The following RORA variants were observed in gnomAD, a reference collection of about 807,000 sequenced individuals.
The protein encoded by RORA is RAR related orphan receptor A, also known as nuclear receptor ROR-alpha.
A neutral mutation model predicts 69.5 loss-of-function variants in RORA; 7 were observed. The observed-to-expected ratio is 0.10, with a 90% CI of 0.06 to 0.19. The LOEUF is 0.19. Ranked by LOEUF, RORA falls within the 10% of genes least tolerant of loss-of-function variation. The probability of loss-of-function intolerance (pLI) is 1.00; values close to 1 mark genes in which losing one functional copy is unlikely to be tolerated. For missense variants in RORA, 457 were observed against 663.0 expected (o/e 0.69, Z 3.41); for synonymous variants, 261 against 240.8 (o/e 1.08, Z -0.78).
chr15:60,629,208 A>C (rs1423105928), intron 2 of RORA, among the ~76,000 whole-genome samples: 1 of 34,506 alleles, frequency 2.9e-5, no homozygotes, highest in African/African-American at 2.4e-4. Context: ...TTTTTTTTGA[A>C]ACAGAGTCTT....
At chr15:60,502,894 T>A in intron 7 of RORA, 27 bp from the exon 8 acceptor site, 1 of 1,428,502 alleles carries the variant, frequency 7.0e-7, no homozygotes, top group Non-Finnish European at 9.9e-7. Flanking sequence ...ATGGTTTGGG[T>A]CATTTGGGTC....
intron 1 of RORA, among the ~76,000 whole-genome samples, chr15:60,757,675 G>A (rs2071822584): frequency 6.6e-6 from 1 of 152,070 alleles, no homozygotes; most frequent in Admixed American, 6.5e-5. Context: ...GTGACTCCAG[G>A]GTGTAAAATA....
At position 60,511,518 on chromosome 15, in the gene RORA, A is replaced by G. The variant is rs1031359244; in HGVS notation, c.528T>C (p.Pro176=). 6.2e-7 allele frequency: 1 copy of G among 1,614,126 alleles called. No homozygotes were observed. Among genetic ancestry groups the G allele is most frequent in the South Asian group, 1.1e-5 (1 of 91,088 alleles). ...TGGGCGTCAGCGGCTCAGCCTCTCC[A>G]GGCTGCTGCTGGTGGTCGCGCTGCT... ...QQQQRDHQQQ[P]GEAEPLTPTY... Residue 176 remains proline, a synonymous_variant, in exon 5 of 11, where the codon CCT becomes CCC. Coordinates refer to ENST00000335670, the MANE Select transcript of RORA (RefSeq NM_134261.3). The surrounding 1 kb of genome is among the most constrained non-coding windows in gnomAD (Gnocchi z 6.4).
chr15:60,779,962 T>C (rs572486643), intron 1 of RORA, among the ~76,000 whole-genome samples: 1 of 152,284 alleles, frequency 6.6e-6, no homozygotes, highest in East Asian at 1.9e-4. Context: ...GGATATGTGT[T>C]TTCCAAAGCA....
In RORA at chr15:60,558,298, A is replaced by G. The variant is rs200399670; in HGVS notation, c.197-26447T>C. 2 of 1,611,972 alleles carry G rather than the reference A, an allele frequency of 1.2e-6. No individual in the cohort carries two copies. The highest frequency in any genetic ancestry group is 2.2e-5 in the South Asian group (2 of 90,828). On this transcript the variant is annotated intron_variant, in intron 2 of 10. Coordinates refer to ENST00000335670, the MANE Select transcript of RORA (RefSeq NM_134261.3). ...ATGGAGTATTTGGAGAATCCCAAAA[A>G]GTTCATCCCTGGAACGAAAATGATA... is the stretch of plus-strand genomic sequence containing the variant.
chr15:61,187,803 G>A (rs2079759029), intron 1 of RORA, among the ~76,000 whole-genome samples: 1 of 152,158 alleles, frequency 6.6e-6, no homozygotes, highest in South Asian at 2.1e-4. Flanking sequence ...TTCCCCAGAA[G>A]CACCCTGGGG....
At chr15:61,167,482 ATTTTTTTTTTTTTTTTTTTTTTT>A (rs199752865) in intron 1 of RORA, among the ~76,000 whole-genome samples, 37 of 133,690 alleles carry the variant, frequency 2.8e-4, no homozygotes, top group African/African-American at 9.7e-4. Flanking sequence ...TTTGACCAGG[ATTTTTTTTTTTTTTTTTTTTTTT>A]TTTTTTTTTT....
At chr15:61,212,161 C>G (rs75569931) in intron 1 of RORA, among the ~76,000 whole-genome samples, 8 of 152,226 alleles carry the variant, frequency 5.3e-5, no homozygotes, top group Non-Finnish European at 1.0e-4. Context: ...TCCATTTCTC[C>G]CACCCTTAAG....
At position 60,721,308 on chromosome 15, in the gene RORA, T is replaced by C. The variant is rs189649430; in HGVS notation, c.167-42622A>G. Among the ~76,000 whole-genome samples the C allele has an allele frequency of 1.6e-3, 240 of 152,314 alleles. 4 individuals carry two copies. The highest frequency in any genetic ancestry group is 5.5e-3 in the African/African-American group (229 of 41,572). The stretch of plus-strand genomic sequence containing the variant: ...GAGTGATCAGAAAACAGTTTTGTTA[T>C]TTTACACATGGTCTCAAGAGCTAGA... On this transcript the variant is annotated intron_variant, in intron 1 of 10. Coordinates refer to ENST00000335670, the MANE Select transcript of RORA (RefSeq NM_134261.3).
intron 1 of RORA, among the ~76,000 whole-genome samples, chr15:60,856,279 T>A (rs1673317): frequency 0.87 from 132,975 of 152,250 alleles, 58,766 homozygotes; most frequent in East Asian, 0.99. Flanking sequence ...CTTCTGAAGG[T>A]GGAAACCATT....
chr15:60,689,930 C>A (rs1486205116), intron 1 of RORA, among the ~76,000 whole-genome samples: 1 of 152,186 alleles, frequency 6.6e-6, no homozygotes, highest in African/African-American at 2.4e-5. Flanking sequence ...CTTCTAGCAT[C>A]CAGAACTGTG....
intron 1 of RORA, among the ~76,000 whole-genome samples, chr15:61,202,641 C>T (rs1361459410): frequency 2.6e-5 from 4 of 152,090 alleles, no homozygotes; most frequent in Non-Finnish European, 5.9e-5. Context: ...AGCTAGAATT[C>T]AGATGCCTAT....
intron 1 of RORA, among the ~76,000 whole-genome samples, chr15:60,977,347 T>A (rs770980660): frequency 6.6e-6 from 1 of 152,020 alleles, no homozygotes; most frequent in African/African-American, 2.4e-5. Flanking sequence ...TAACAAAGGA[T>A]CCTCTGTTTA....
intron 1 of RORA, among the ~76,000 whole-genome samples, chr15:60,826,903 G>A (rs2140385894): frequency 6.6e-6 from 1 of 152,106 alleles, no homozygotes; most frequent in African/African-American, 2.4e-5. Context: ...GAAAGGGAAA[G>A]GTATATAATT....
intron 1 of RORA, among the ~76,000 whole-genome samples, chr15:60,944,108 T>C (rs1364645742): frequency 6.6e-6 from 1 of 152,086 alleles, no homozygotes; most frequent in African/African-American, 2.4e-5. Context: ...GTTGTCCATC[T>C]GTCAAAGAAT....
chr15:60,543,019 C>T (rs1164278782), intron 2 of RORA, among the ~76,000 whole-genome samples: 3 of 151,700 alleles, frequency 2.0e-5, no homozygotes, highest in African/African-American at 4.9e-5. Flanking sequence ...GGCCTACACA[C>T]GAGTCCATCC....
intron 1 of RORA, among the ~76,000 whole-genome samples, chr15:61,123,746 C>T (rs912991172): frequency 1.3e-5 from 2 of 151,924 alleles, no homozygotes; most frequent in African/African-American, 4.8e-5. Flanking sequence ...AGAAGCACAG[C>T]TCCAGCAGAG....
At chr15:61,158,030 G>A (rs1371270940) in intron 1 of RORA, among the ~76,000 whole-genome samples, 6 of 152,150 alleles carry the variant, frequency 3.9e-5, no homozygotes, top group Non-Finnish European at 8.8e-5. Context: ...ACGTGCCAAA[G>A]CCCAACCCCA....
intron 1 of RORA, among the ~76,000 whole-genome samples, chr15:60,811,650 G>A (rs540153675): frequency 2.6e-5 from 4 of 152,206 alleles, no homozygotes; most frequent in African/African-American, 9.6e-5. Context: ...AACATTCTTT[G>A]AAAAGAAATC....
Sources: allele counts gnomAD v4.1 joint callset (sites outside exome capture counted in the v4.1 genomes callset), GRCh38; gene constraint gnomAD v4.1.1; non-coding constraint Gnocchi (gnomAD v3.1); transcripts MANE v1.5; gene names NCBI Gene and HGNC (gene_info 2026-07-23, HGNC 2026-07-21).